AFAP1L2: variants seen among roughly 807,000 people sequenced by gnomAD.
The protein encoded by AFAP1L2 is actin filament associated protein 1 like 2.
A neutral mutation model predicts 99.3 loss-of-function variants in AFAP1L2; 46 were observed. The observed-to-expected ratio is 0.46, with a 90% CI of 0.37 to 0.59. The LOEUF (loss-of-function observed/expected upper bound fraction) is 0.59, where lower values mean the gene tolerates loss of function less well. AFAP1L2 is among the 20% of genes least tolerant of loss of function. The probability of loss-of-function intolerance (pLI) is 0.00; values close to 1 mark genes in which losing one functional copy is unlikely to be tolerated. For synonymous variants in AFAP1L2, 397 were observed against 419.1 expected (o/e 0.95, Z 0.64); for missense variants, 959 against 1,034.9 (o/e 0.93, Z 1.01).
intron 1 of AFAP1L2, among the ~76,000 whole-genome samples, chr10:114,402,103 C>T (rs2058283671): frequency 6.6e-6 from 1 of 152,194 alleles, no homozygotes; most frequent in African/African-American, 2.4e-5. Context: ...AGGAGCCCAA[C>T]TAAATAAACC....
chr10:114,291,509 C>A (rs920309435), downstream of AFAP1L2: 3 of 449,584 alleles, frequency 6.7e-6, no homozygotes, highest in African/African-American at 6.1e-5. Flanking sequence ...TACCCACTTT[C>A]TGTACCTGCT....
At chr10:114,340,894 TG>T in intron 1 of AFAP1L2, 163 bp from the exon 2 acceptor site, 1 of 953,030 alleles carries the variant, frequency 1.0e-6, no homozygotes, top group Admixed American at 2.0e-5. Context: ...GGGCAGAAGA[TG>T]GGATTCTCAG....
At chr10:114,395,450 AT>A (rs2057598972) in intron 1 of AFAP1L2, among the ~76,000 whole-genome samples, 1 of 152,184 alleles carries the variant, frequency 6.6e-6, no homozygotes, top group African/African-American at 2.4e-5. Flanking sequence ...CCACATTTGA[AT>A]TTTAGTAAAT....
the AFAP1L2 span, chr10:114,284,846 G>A: frequency 1.3e-6 from 2 of 1,597,540 alleles, no homozygotes; most frequent in South Asian, 2.3e-5. Context: ...AGCGGTTAAT[G>A]GGCATCTCTC....
intron 4 of AFAP1L2, among the ~76,000 whole-genome samples, chr10:114,325,453 A>T (rs1363788740): frequency 6.6e-6 from 1 of 152,246 alleles, no homozygotes; most frequent in Non-Finnish European, 1.5e-5. Context: ...GTCCAGCACC[A>T]GATCTGGTCC....
At position 114,315,542 on chromosome 10, in the gene AFAP1L2, G is replaced by A. The variant is rs775585398; in HGVS notation, c.612+18C>T. On this transcript the variant is annotated intron_variant, in intron 6 of 18. Coordinates refer to ENST00000304129, the MANE Select transcript of AFAP1L2 (RefSeq NM_001001936.3). ...AAGGAGAGGAGTCGGGGGACAAGACGACGTAAGGCAGACTGACCAGAAGCC... is the reference window on the plus strand; with the variant it reads ...AAGGAGAGGAGTCGGGGGACAAGACAACGTAAGGCAGACTGACCAGAAGCC... 53 of 1,612,604 alleles carry A rather than the reference G, an allele frequency of 3.3e-5. No individual in the cohort carries two copies. The highest frequency in any genetic ancestry group is 4.0e-5 in the African/African-American group (3 of 74,858).
intron 4 of AFAP1L2, among the ~76,000 whole-genome samples, chr10:114,330,206 C>T (rs1280600261): frequency 6.6e-6 from 1 of 152,164 alleles, no homozygotes; most frequent in African/African-American, 2.4e-5. Flanking sequence ...GCCCCTTCCC[C>T]CCAGGAAGGC....
intron 1 of AFAP1L2, among the ~76,000 whole-genome samples, chr10:114,351,831 C>T (rs1279134112): frequency 5.3e-5 from 8 of 152,306 alleles, no homozygotes; most frequent in African/African-American, 7.2e-5. Flanking sequence ...CAGCCACCTC[C>T]GCCCTTCCCA....
At position 114,350,963 on chromosome 10, in the gene AFAP1L2, T is replaced by A. The variant is rs2050383745; in HGVS notation, c.17-10232A>T. Among the ~76,000 whole-genome samples, 3 of 152,126 alleles carry A rather than the reference T, an allele frequency of 2.0e-5. No homozygotes were observed. The South Asian group carries it at 6.2e-4, about 32-fold the overall frequency. ...CATTTAAGACATTCCTTAAATGCAA[T>A]CTACCAGAAGAGTGGCTTCATTCAG... On this transcript the variant is annotated intron_variant, in intron 1 of 18. Coordinates refer to ENST00000304129, the MANE Select transcript of AFAP1L2 (RefSeq NM_001001936.3).
intron 1 of AFAP1L2, among the ~76,000 whole-genome samples, chr10:114,350,463 T>C (rs562800631): frequency 6.6e-6 from 1 of 152,304 alleles, no homozygotes; most frequent in South Asian, 2.1e-4. Context: ...CTAAGGTCGG[T>C]GCTTGGAGAA....
In AFAP1L2 at chr10:114,404,485, C is replaced by A; in HGVS notation, c.-30G>T. The A allele has an allele frequency of 6.5e-7, 1 of 1,534,052 alleles. No homozygotes were observed. Among genetic ancestry groups the A allele is most frequent in the South Asian group, 1.2e-5 (1 of 83,606 alleles). ...GCCACGGAGTGCGCTCCTCGCGGCT[C>A]GGCTTCTGCGCTGCTCTCCCGGCGC... On this transcript the variant is annotated 5_prime_UTR_variant, in exon 1 of 19. Coordinates refer to ENST00000304129, the MANE Select transcript of AFAP1L2 (RefSeq NM_001001936.3).
At chr10:114,398,413 T>A (rs557050296) in intron 1 of AFAP1L2, among the ~76,000 whole-genome samples, 11 of 152,276 alleles carry the variant, frequency 7.2e-5, no homozygotes, top group Middle Eastern at 3.4e-3. Context: ...CCCAACAGCA[T>A]TGAAAAGCAC....
chr10:114,319,499 A>G (rs2044747425), intron 5 of AFAP1L2: 3 of 1,216,280 alleles, frequency 2.5e-6, no homozygotes, highest in African/African-American at 3.1e-5. Flanking sequence ...ACATGCACAC[A>G]TCTTTGAGAG....
intron 1 of AFAP1L2, among the ~76,000 whole-genome samples, chr10:114,341,012 G>C (rs530497918): frequency 3.9e-4 from 60 of 152,318 alleles, no homozygotes; most frequent in African/African-American, 1.3e-3. Context: ...CGGCCTCGTC[G>C]GCCAACTTTC....
At chr10:114,299,223 T>G in intron 16 of AFAP1L2, 37 bp downstream of exon 16, 1 of 1,611,970 alleles carries the variant, frequency 6.2e-7, no homozygotes, top group Non-Finnish European at 8.5e-7. Context: ...CACGGCCCTC[T>G]GAGCTGAGGG....
intron 2 of AFAP1L2, among the ~76,000 whole-genome samples, chr10:114,334,563 G>C (rs1456946422): frequency 1.3e-5 from 2 of 152,234 alleles, no homozygotes; most frequent in Non-Finnish European, 2.9e-5. Flanking sequence ...AGGAACAGGA[G>C]GGGGCTGGAT....
chr10:114,291,834 C>T (rs1037313270), downstream of AFAP1L2, among the ~76,000 whole-genome samples: 2 of 152,160 alleles, frequency 1.3e-5, no homozygotes, highest in Non-Finnish European at 2.9e-5. Context: ...GTGGAAGAGA[C>T]TTGGAAAGGT....
intron 8 of AFAP1L2, 96 bp downstream of exon 8, chr10:114,310,258 C>T: frequency 7.9e-7 from 1 of 1,269,880 alleles, no homozygotes; most frequent in Non-Finnish European, 1.1e-6. Context: ...ATTAATTGGA[C>T]TGAAATATAA....
intron 2 of AFAP1L2, among the ~76,000 whole-genome samples, chr10:114,335,309 T>A (rs11196702): frequency 0.037 from 5,607 of 151,836 alleles, 224 homozygotes; most frequent in African/African-American, 0.1. Flanking sequence ...ATTTTTTTTT[T>A]TAAAAAAAGA....
Sources: gnomAD v4.1 joint callset for allele counts (sites outside exome capture counted in the v4.1 genomes callset) on GRCh38, gnomAD v4.1.1 for gene constraint, MANE v1.5 for transcripts, NCBI Gene and HGNC (gene_info 2026-07-23, HGNC 2026-07-21) for gene names.